The following KANK1 variants were observed in gnomAD, a reference collection of about 807,000 sequenced individuals.
The protein encoded by KANK1 is KN motif and ankyrin repeat domain-containing protein 1.
KANK1 carries 109 observed loss-of-function variants against 106.2 expected under a neutral mutation model. The observed-to-expected ratio is 1.03, with a 90% CI of 0.88 to 1.20. KANK1 has a LOEUF of 1.20. KANK1 is among the 50% of genes most tolerant of loss of function. The pLI, the probability that KANK1 is intolerant of heterozygous loss-of-function variation, is 0.00. For missense variants in KANK1, 2,399 were observed against 1,710.7 expected (o/e 1.40, Z -7.10); for synonymous variants, 873 against 652.2 (o/e 1.34, Z -5.16).
At chr9:565,652 C>G (rs756112354) in intron 1 of KANK1, among the ~76,000 whole-genome samples, 3 of 152,070 alleles carry the variant, frequency 2.0e-5, no homozygotes, top group Non-Finnish European at 2.9e-5. Flanking sequence ...GAGTCTGCCT[C>G]TGGGTTAGGG....
At chr9:624,127 C>G (rs987140042) in intron 1 of KANK1, among the ~76,000 whole-genome samples, 5 of 152,126 alleles carry the variant, frequency 3.3e-5, no homozygotes, top group African/African-American at 1.2e-4. Flanking sequence ...ATAATCCAGA[C>G]ACAGAAAAAC....
At chr9:613,251 G>A (rs964981184) in intron 1 of KANK1, among the ~76,000 whole-genome samples, 18 of 151,136 alleles carry the variant, frequency 1.2e-4, no homozygotes, top group African/African-American at 4.4e-4. Flanking sequence ...CTCAAGAAAA[G>A]CACAAGTAGT....
At chr9:570,161 G>A (rs1160494983) in intron 1 of KANK1, among the ~76,000 whole-genome samples, 1 of 152,124 alleles carries the variant, frequency 6.6e-6, no homozygotes, top group Non-Finnish European at 1.5e-5. Context: ...TTGCTACTTT[G>A]GAGAATGTAT....
chr9:544,082 A>G (rs1242565108), intron 1 of KANK1, among the ~76,000 whole-genome samples: 1 of 151,824 alleles, frequency 6.6e-6, no homozygotes, highest in Non-Finnish European at 1.5e-5. Context: ...GTGCAGTGGC[A>G]TGACCATGGC....
chr9:574,363 TG>T (rs1819987967), intron 1 of KANK1, among the ~76,000 whole-genome samples: 1 of 151,194 alleles, frequency 6.6e-6, no homozygotes, highest in Non-Finnish European at 1.5e-5. Flanking sequence ...TTGACTGGGG[TG>T]CTCTGGGAAA....
intron 1 of KANK1, among the ~76,000 whole-genome samples, chr9:568,439 C>T (rs1183899614): frequency 3.3e-5 from 5 of 152,026 alleles, no homozygotes; most frequent in Admixed American, 6.5e-5. Context: ...ATGTGTAAGT[C>T]TGTGGGGTTT....
intron 1 of KANK1, among the ~76,000 whole-genome samples, chr9:601,006 A>G (rs913408847): frequency 2.0e-5 from 3 of 151,794 alleles, no homozygotes; most frequent in Admixed American, 2.0e-4. Flanking sequence ...TAACTAAAGC[A>G]GAAGGAGGGA....
intron 1 of KANK1, among the ~76,000 whole-genome samples, chr9:638,062 GT>G (rs1837557623): frequency 6.6e-6 from 1 of 152,168 alleles, no homozygotes; most frequent in Non-Finnish European, 1.5e-5. Context: ...GATGCACACT[GT>G]TTAATAGCCA....
chr9:549,920 C>CA (rs1485518042), intron 1 of KANK1, among the ~76,000 whole-genome samples: 1 of 152,012 alleles, frequency 6.6e-6, no homozygotes, highest in Non-Finnish European at 1.5e-5. Context: ...GTGGCACGCA[C>CA]AAAGTCCTGG....
At chr9:504,801 T>C (rs1430128490) in intron 1 of KANK1, 47 bp downstream of exon 1, 1 of 10,160 alleles carries the variant, frequency 9.8e-5, no homozygotes, top group Non-Finnish European at 1.7e-4. Flanking sequence ...CGCGGCGAGG[T>C]TGTCCCGGAG....
chr9:737,497 C>G (rs1286997171), intron 7 of KANK1, among the ~76,000 whole-genome samples: 1 of 152,230 alleles, frequency 6.6e-6, no homozygotes, highest in Non-Finnish European at 1.5e-5. Flanking sequence ...ATCACCAGTA[C>G]TGACTGCTCA....
intron 1 of KANK1, among the ~76,000 whole-genome samples, chr9:607,949 G>T (rs939290280): frequency 5.3e-5 from 8 of 150,532 alleles, no homozygotes; most frequent in Admixed American, 6.6e-5. Context: ...CTCTGTGTGT[G>T]TGTATGTGTA....
chr9:646,543 T>C (rs1389042577), intron 1 of KANK1, among the ~76,000 whole-genome samples: 1 of 150,470 alleles, frequency 6.6e-6, no homozygotes, highest in Admixed American at 6.6e-5. Context: ...TTTCAGACTT[T>C]GTAAAATAAT....
At chr9:744,386 T>G in intron 10 of KANK1, 105 bp from the exon 11 acceptor site, 1 of 1,325,552 alleles carries the variant, frequency 7.5e-7, no homozygotes, top group East Asian at 2.4e-5. Context: ...TAGGGATATT[T>G]GGGGAACCTT....
At chr9:545,289 G>A (rs1006595447) in intron 1 of KANK1, among the ~76,000 whole-genome samples, 1 of 152,170 alleles carries the variant, frequency 6.6e-6, no homozygotes, top group African/African-American at 2.4e-5. Flanking sequence ...GAGGGCAGAT[G>A]GATGAGCTCA....
chr9:554,404 A>T (rs1310382140), intron 1 of KANK1, among the ~76,000 whole-genome samples: 1 of 152,134 alleles, frequency 6.6e-6, no homozygotes, highest in African/African-American at 2.4e-5. Context: ...CACTGATTGG[A>T]TGACACCCAT....
intron 2 of KANK1, among the ~76,000 whole-genome samples, chr9:678,210 A>T (rs1816791961): frequency 6.6e-6 from 1 of 152,138 alleles, no homozygotes; most frequent in Admixed American, 6.5e-5. Flanking sequence ...GCTTCTTGAG[A>T]CTTTTATAGA....
chr9:514,480 C>T (rs1401588579), intron 1 of KANK1, among the ~76,000 whole-genome samples: 1 of 150,502 alleles, frequency 6.6e-6, no homozygotes, highest in African/African-American at 2.5e-5. Flanking sequence ...AGTCACAACT[C>T]TTGCCCCGAG....
In KANK1 at chr9:509,286, C is replaced by T. The variant is rs764265827; in HGVS notation, c.-84+4532C>T. On this transcript the variant is annotated intron_variant, in intron 1 of 11. Transcript: ENST00000382297. ...CTAATTTTTGTACTTTTAGTAGACACGGGGTTTCACCATGTTGGCCGGGAT... is the reference window on the plus strand; with the variant it reads ...CTAATTTTTGTACTTTTAGTAGACATGGGGTTTCACCATGTTGGCCGGGAT... Among the ~76,000 whole-genome samples the T allele has an allele frequency of 3.9e-5, 6 of 152,074 alleles. No individual in the cohort carries two copies. In the East Asian group the frequency reaches 7.7e-4, roughly 20 times the overall value.
Sources: gnomAD v4.1 joint callset for allele counts (sites outside exome capture counted in the v4.1 genomes callset) on GRCh38, gnomAD v4.1.1 for gene constraint, MANE v1.5 for transcripts, NCBI Gene and HGNC (gene_info 2026-07-23, HGNC 2026-07-21) for gene names.